Variants in VWF observed in about 807,000 individuals in gnomAD.
VWF encodes the protein von Willebrand factor.
VWF carries 176 observed loss-of-function variants against 308.6 expected under a neutral mutation model. The ratio of observed to expected loss-of-function variants is 0.57; its 90% CI spans 0.50 to 0.65. VWF has a LOEUF of 0.65. Ranked by LOEUF, VWF falls within the 30% of genes least tolerant of loss-of-function variation. The pLI is 0.00. For synonymous variants in VWF, 1,385 were observed against 1,443.4 expected (o/e 0.96, Z 0.92); for missense variants, 3,146 against 3,648.2 (o/e 0.86, Z 3.55).
chr12:6,051,275 CTTCTTTTT>C (rs143102178), intron 16 of VWF, among the ~76,000 whole-genome samples: 3 of 132,002 alleles, frequency 2.3e-5, no homozygotes, highest in Non-Finnish European at 3.1e-5. Context: ...ATAATCAGGA[CTTCTTTTT>C]TTCTTTTTTT....
rs1249758434 is a variant in VWF, at chr12:6,057,963, A to T, written c.1615T>A (p.Ser539Thr). The change falls in exon 14 of 52, where the codon TCT (serine) becomes ACT (threonine). Residue 539 changes from serine (S) to threonine (T), a missense_variant. Around this residue, in one of 3 missense-constraint regions of VWF, gnomAD observed 1,304 missense variants for 1,353.0 expected, o/e 0.96. Coordinates refer to ENST00000261405, the MANE Select transcript of VWF (RefSeq NM_000552.5). ...GNQGDDFLTP[S>T]GLAEPRVEDF... is the part of the protein sequence containing the mutation. Reference sequence around the variant, plus strand: ...TCCACCCGGGGCTCCGCCAGCCCAGAGGGGGTAAGGAAGTCGTCGCCCTGG... The same window carrying T: ...TCCACCCGGGGCTCCGCCAGCCCAGTGGGGGTAAGGAAGTCGTCGCCCTGG... The T allele has an allele frequency of 1.9e-6, 3 of 1,613,584 alleles. No individual in the cohort carries two copies. In the African/African-American group the frequency reaches 4.0e-5, roughly 22 times the overall value.
rs779302623 is a variant in VWF at position 6,018,684 on chromosome 12, A to T, written c.4734T>A (p.Thr1578=). 6.2e-7 allele frequency: 1 copy of T among 1,613,798 alleles called. No individual in the cohort carries two copies. The highest frequency in any genetic ancestry group is 2.2e-5 in the East Asian group (1 of 44,852). ...CAGAGAGGTACCGCAGGGCCAGCCC[A>T]GTGTTGGTCCTGTTGCCGCCCTGGT... The part of the protein sequence containing the change: ...IRYQGGNRTN[T]GLALRYLSDH... The change falls in exon 28 of 52, where the codon ACT becomes ACA. Residue 1578 remains threonine, a synonymous_variant. Coordinates refer to ENST00000261405, the MANE Select transcript of VWF (RefSeq NM_000552.5).
rs1944233033 is a variant in VWF at position 6,029,438 on chromosome 12, C to T, written c.2871G>A (p.Glu957=). 2.5e-6 allele frequency: 4 copies of T among 1,614,200 alleles called. No homozygotes were observed. The highest frequency in any genetic ancestry group is 3.4e-6 in the Non-Finnish European group (4 of 1,180,038). The change falls in exon 22 of 52, where the codon GAG becomes GAA. Residue 957 remains glutamate, a synonymous_variant. Transcript: ENST00000261405. The part of the protein sequence containing the change: ...MKDETHFEVV[E]SGRYIILLLG... ...GCAGCAGAATGATGTACCGGCCAGA[C>T]TCCACCACCTCAAAGTGAGTCTCAT... is the stretch of plus-strand genomic sequence containing the variant.
At chr12:6,105,639 A>T (rs914052523) in intron 5 of VWF, among the ~76,000 whole-genome samples, 2 of 152,224 alleles carry the variant, frequency 1.3e-5, no homozygotes, top group Non-Finnish European at 2.9e-5. Context: ...TTGTAAAAGG[A>T]ATATTTTAAA....
At chr12:5,967,397 T>G in intron 47 of VWF, 89 bp downstream of exon 47, 1 of 1,038,330 alleles carries the variant, frequency 9.6e-7, no homozygotes. Flanking sequence ...ATGAGAGATT[T>G]ATTTATTTAA....
intron 43 of VWF, among the ~76,000 whole-genome samples, chr12:5,975,023 A>T (rs1250563339): frequency 6.6e-6 from 1 of 152,228 alleles, no homozygotes. Flanking sequence ...CTGGCCTCAG[A>T]TGGCCTGTGA....
intron 47 of VWF, among the ~76,000 whole-genome samples, chr12:5,965,213 A>C (rs1439371974): frequency 6.6e-6 from 1 of 152,174 alleles, no homozygotes; most frequent in African/African-American, 2.4e-5. Context: ...AGCCAGCCCC[A>C]GAGTTCACTT....
chr12:5,953,525 G>A lies in VWF; in HGVS notation c.7957C>T (p.Leu2653=). Residue 2653 remains leucine, a synonymous_variant, in exon 48 of 52, where the codon CTA becomes TTA. Transcript: ENST00000261405. ...RCLPTACTIQ[L]RGGQIMTLKR... ...AGTGTCATGATCTGTCCTCCTCTTA[G>A]CTGAATGGTGCAAGCCGTAGGCAAA... 1 of 1,614,094 alleles carries A rather than the reference G, an allele frequency of 6.2e-7. No individual in the cohort carries two copies. The highest frequency in any genetic ancestry group is 8.5e-7 in the Non-Finnish European group (1 of 1,180,008).
chr12:5,961,391 A>G (rs1019639475), intron 47 of VWF, among the ~76,000 whole-genome samples: 6 of 152,178 alleles, frequency 3.9e-5, no homozygotes, highest in Admixed American at 3.9e-4. Flanking sequence ...ATCATACTTA[A>G]TGAATTAATT....
chr12:6,092,630 T>TGAGAGTGAGAGAGAGAGAGAGAGA (rs1219001307), intron 6 of VWF, among the ~76,000 whole-genome samples: 2 of 72,944 alleles, frequency 2.7e-5, no homozygotes, highest in African/African-American at 1.6e-4. Flanking sequence ...TGTGTGTGTG[T>TGAGAGTGAGAGAGAGAGAGAGAGA]GTGTGTGTGT....
chr12:6,051,039 C>CTACGGCTAA (rs75336349), intron 16 of VWF, among the ~76,000 whole-genome samples: 3 of 151,490 alleles, frequency 2.0e-5, no homozygotes, highest in African/African-American at 7.3e-5. Flanking sequence ...AATAATGGTA[C>CTACGGCTAA]CTTTACTTTT....
intron 38 of VWF, among the ~76,000 whole-genome samples, chr12:5,991,034 C>CATTACTTATA (rs1236436860): frequency 1.3e-5 from 2 of 151,860 alleles, no homozygotes; most frequent in African/African-American, 4.8e-5. Flanking sequence ...AGATCAACTC[C>CATTACTTATA]ATTACTTATA....
At chr12:6,082,019 T>C (rs1244144340) in intron 6 of VWF, among the ~76,000 whole-genome samples, 2 of 151,860 alleles carry the variant, frequency 1.3e-5, no homozygotes, top group Non-Finnish European at 2.9e-5. Context: ...CAGGCTGGAG[T>C]GCAGTGGCAC....
chr12:6,095,757 ATCCCAC>A (rs1945099580), intron 5 of VWF, 173 bp from the exon 6 acceptor site: 1 of 840,874 alleles, frequency 1.2e-6, no homozygotes, highest in Non-Finnish European at 1.9e-6. Context: ...CACAAGTGCA[ATCCCAC>A]TACTGAGCAG....
chr12:6,023,147 C>T (rs1944148738), intron 25 of VWF, among the ~76,000 whole-genome samples: 1 of 152,128 alleles, frequency 6.6e-6, no homozygotes, highest in Non-Finnish European at 1.5e-5. Context: ...GTCTTGAACT[C>T]CTGGGCTCAA....
At chr12:5,952,226 A>C in intron 49 of VWF, 165 bp downstream of exon 49, 1 of 1,009,352 alleles carries the variant, frequency 9.9e-7, no homozygotes, top group African/African-American at 1.6e-5. Flanking sequence ...AGAGAATTTT[A>C]TCTCTCCGTA....
chr12:6,000,345 C>T (rs1170971053), intron 34 of VWF, among the ~76,000 whole-genome samples: 1 of 152,074 alleles, frequency 6.6e-6, no homozygotes, highest in Admixed American at 6.5e-5. Context: ...AAGCAATATA[C>T]AAAGCAAGGC....
In VWF at chr12:6,097,850, T is replaced by C. The variant is rs111834995; in HGVS notation, c.533-2266A>G. On this transcript the variant is annotated intron_variant, in intron 5 of 51. Transcript: ENST00000261405. ...ACTCTCTGGGTACTCAGTCACTCCA[T>C]ATCACACAGGTTTTGACACTTTCTA... is the stretch of plus-strand genomic sequence containing the variant. Among the ~76,000 whole-genome samples, 13 of 152,364 alleles carry C rather than the reference T, an allele frequency of 8.5e-5. 1 individual carries two copies. Among genetic ancestry groups the C allele is most frequent in the South Asian group, 6.2e-4 (3 of 4,824 alleles).
At chr12:6,006,643 G>A (rs889864583) in intron 34 of VWF, among the ~76,000 whole-genome samples, 8 of 152,056 alleles carry the variant, frequency 5.3e-5, no homozygotes, top group African/African-American at 1.7e-4. Flanking sequence ...GCCAGGCATG[G>A]TGGCACGTGC....
Sources: gnomAD v4.1 joint callset for allele counts (sites outside exome capture counted in the v4.1 genomes callset) on GRCh38, gnomAD v4.1.1 for gene constraint, gnomAD v4.1.1 regional missense constraint, MANE v1.5 for transcripts, NCBI Gene and HGNC (gene_info 2026-07-23, HGNC 2026-07-21) for gene names.